The following DYNLT2B variants were observed in gnomAD, a reference collection of about 807,000 sequenced individuals.
The protein encoded by DYNLT2B is dynein light chain Tctex-type protein 2B.
DYNLT2B carries 14 observed loss-of-function variants against 19.5 expected under a neutral mutation model. The ratio of observed to expected loss-of-function variants is 0.72; its 90% CI spans 0.47 to 1.12. DYNLT2B has a LOEUF of 1.12. Ranked by LOEUF, DYNLT2B falls within the 50% of genes most tolerant of loss-of-function variation. The probability of loss-of-function intolerance (pLI) is 0.00; values close to 1 mark genes in which losing one functional copy is unlikely to be tolerated. For synonymous variants in DYNLT2B, 70 were observed against 59.7 expected, an observed-to-expected ratio of 1.17 and a Z score of -0.79; for missense variants, 133 against 174.7, an observed-to-expected ratio of 0.76 and a Z score of 1.35.
intron 3 of DYNLT2B, among the ~76,000 whole-genome samples, chr3:196,299,274 G>A (rs993469521): frequency 2.0e-5 from 3 of 151,772 alleles, no homozygotes; most frequent in Non-Finnish European, 4.4e-5. Flanking sequence ...TAGTAGAGAC[G>A]GGGTTTCACC....
intron 3 of DYNLT2B, among the ~76,000 whole-genome samples, chr3:196,298,785 G>C (rs923070183): frequency 6.6e-6 from 1 of 152,186 alleles, no homozygotes; most frequent in Non-Finnish European, 1.5e-5. Flanking sequence ...TTTCCTGGAG[G>C]ATTTGCCAAT....
intron 4 of DYNLT2B, 106 bp downstream of exon 4, chr3:196,295,900 G>T: frequency 3.3e-6 from 3 of 916,122 alleles, no homozygotes; most frequent in South Asian, 1.6e-5. Context: ...AGTCAAAGAT[G>T]AATGACTAAG....
chr3:196,298,642 C>T (rs951695788), intron 3 of DYNLT2B, among the ~76,000 whole-genome samples: 1 of 151,888 alleles, frequency 6.6e-6, no homozygotes, highest in Admixed American at 6.6e-5. Flanking sequence ...GCTAATAATG[C>T]TCCCACCAAG....
At chr3:196,310,767 CCT>C (rs992807091) in intron 2 of DYNLT2B, among the ~76,000 whole-genome samples, 46 of 148,366 alleles carry the variant, frequency 3.1e-4, no homozygotes, top group African/African-American at 1.1e-3. Context: ...ATAGGGTCTC[CCT>C]CTGTCACCCA....
intron 3 of DYNLT2B, among the ~76,000 whole-genome samples, chr3:196,296,805 T>C (rs1218157316): frequency 6.6e-6 from 1 of 152,138 alleles, no homozygotes; most frequent in African/African-American, 2.4e-5. Context: ...TCCCAGCAAC[T>C]CAGGAGGCTG....
At chr3:196,317,869 G>T (rs978406678) in intron 1 of DYNLT2B, among the ~76,000 whole-genome samples, 171 bp downstream of exon 1, 1 of 151,614 alleles carries the variant, frequency 6.6e-6, no homozygotes, top group African/African-American at 2.4e-5. Flanking sequence ...CAGCGGGAGG[G>T]GCGCCCGGAC....
At position 196,311,773 on chromosome 3, in the gene DYNLT2B, AC is replaced by A. The variant is rs199514511; in HGVS notation, c.247+4324del. 3.6e-3 allele frequency among the ~76,000 whole-genome samples: 543 copies of A among 150,970 alleles called. 3 individuals are homozygous for A. The highest frequency in any genetic ancestry group is 0.012 in the African/African-American group (510 of 41,076). ...ATCCCAGCTCACTGCAACCTCCTTCACCCCCCAGGTTCAAGCAATTCTCCTG... is the reference window on the plus strand; with the variant it reads ...ATCCCAGCTCACTGCAACCTCCTTCACCCCCAGGTTCAAGCAATTCTCCTG... On this transcript the variant is annotated intron_variant, in intron 2 of 4. Coordinates refer to ENST00000325318, the MANE Select transcript of DYNLT2B (RefSeq NM_152773.5).
chr3:196,308,732 G>C (rs766808267), intron 2 of DYNLT2B, among the ~76,000 whole-genome samples: 1 of 152,208 alleles, frequency 6.6e-6, no homozygotes, highest in Non-Finnish European at 1.5e-5. Flanking sequence ...ACCTGATTCA[G>C]AGTGTGTAAA....
intron 4 of DYNLT2B, among the ~76,000 whole-genome samples, chr3:196,294,121 G>T (rs1046384094): frequency 1.3e-5 from 2 of 151,770 alleles, no homozygotes; most frequent in African/African-American, 2.4e-5. Context: ...GGAGGCCGAG[G>T]CGGGCCGATC....
Position 196,301,031 on chromosome 3 carries a change from C to T in DYNLT2B, c.318-4962G>A, listed in dbSNP as rs529390758. ...CTGAGATCGCACCACTGCACTCCAG[C>T]CTGGGCAACAGAGTTGAGACTCTGT... is the stretch of plus-strand genomic sequence containing the variant. On this transcript the variant is annotated intron_variant, in intron 3 of 4. Transcript: ENST00000325318. 9.2e-5 allele frequency among the ~76,000 whole-genome samples: 14 copies of T among 151,890 alleles called. No individual in the cohort carries two copies. In the South Asian group the frequency reaches 2.9e-3, roughly 32 times the overall value.
At chr3:196,306,883 G>A in intron 3 of DYNLT2B, 60 bp downstream of exon 3, 1 of 1,481,832 alleles carries the variant, frequency 6.7e-7, no homozygotes, top group South Asian at 1.1e-5. Context: ...TTGTCCAAAG[G>A]ACAGATACCT....
rs540709226 is a variant in DYNLT2B, at chr3:196,317,965, C to A, written c.113+75G>T. ...GCGTCCCCCGCGCTCCTTCCGTGGCCCAGGTCCCAGGCGAGCTCCGCCCCT... is the reference window on the plus strand; with the variant it reads ...GCGTCCCCCGCGCTCCTTCCGTGGCACAGGTCCCAGGCGAGCTCCGCCCCT... On this transcript the variant is annotated intron_variant, in intron 1 of 4. Transcript: ENST00000325318. 139 of 887,740 alleles carry A rather than the reference C, an allele frequency of 1.6e-4. No homozygotes were observed. The African/African-American group carries it at 2.2e-3, about 14-fold the overall frequency. The allele number at this position is 887,740 out of a possible 1,614,324, so 55.0% of individuals were successfully genotyped here.
intron 2 of DYNLT2B, among the ~76,000 whole-genome samples, chr3:196,314,631 G>T (rs1190561616): frequency 6.6e-6 from 1 of 151,700 alleles, no homozygotes; most frequent in East Asian, 1.9e-4. Context: ...AGGGCAACAT[G>T]GCAAGACACC....
At position 196,317,062 on chromosome 3, in the gene DYNLT2B, G is replaced by GGT. The variant is rs140998103; in HGVS notation, c.114-833_114-832dup. 6.5e-3 allele frequency among the ~76,000 whole-genome samples: 340 copies of GGT among 52,248 alleles called. 18 individuals are homozygous for GGT. The highest frequency in any genetic ancestry group is 7.8e-3 in the Non-Finnish European group (212 of 27,124). 34.3% of individuals were successfully genotyped at this position (52,248 alleles called of 152,430 possible). A position where few individuals can be genotyped will look rare whatever the true frequency, so the allele number is the denominator to read the frequency against. On this transcript the variant is annotated intron_variant, in intron 1 of 4. Transcript: ENST00000325318. Reference sequence around the variant, plus strand: ...TGTGTGTGTTGTGTGGTGTGTGTGTGGTGTGTGTGTGTGTGTGTGTGTGTG... The same window carrying GGT: ...TGTGTGTGTTGTGTGGTGTGTGTGTGGTGTGTGTGTGTGTGTGTGTGTGTGTG...
At chr3:196,317,060 GTGGTGTGT>G (rs1324455310) in intron 1 of DYNLT2B, among the ~76,000 whole-genome samples, 2 of 85,774 alleles carry the variant, frequency 2.3e-5, no homozygotes, top group Non-Finnish European at 4.4e-5. Flanking sequence ...TGGTGTGTGT[GTGGTGTGT>G]GTGTGTGTGT....
At position 196,318,197 on chromosome 3, in the gene DYNLT2B, C is replaced by A; in HGVS notation, c.-45G>T. ...GGCGTAGCTCGCGATGAAGGCCTAGCGGGTTGCGGTCGCGGCCGGCAGCAG... is the reference window on the plus strand; with the variant it reads ...GGCGTAGCTCGCGATGAAGGCCTAGAGGGTTGCGGTCGCGGCCGGCAGCAG... On this transcript the variant is annotated 5_prime_UTR_variant, in exon 1 of 5. Coordinates refer to ENST00000325318, the MANE Select transcript of DYNLT2B (RefSeq NM_152773.5). 1 of 1,233,578 alleles carries A rather than the reference C, an allele frequency of 8.1e-7. No individual in the cohort carries two copies. The highest frequency in any genetic ancestry group is 1.4e-5 in the South Asian group (1 of 69,392). 76.4% of individuals were successfully genotyped at this position (1,233,578 alleles called of 1,614,324 possible).
chr3:196,317,581 G>A (rs1577397704), intron 1 of DYNLT2B, among the ~76,000 whole-genome samples: 2 of 152,212 alleles, frequency 1.3e-5, no homozygotes, highest in Middle Eastern at 6.8e-3. Flanking sequence ...GCTCGCTGCG[G>A]TGGTCTAAGG....
intron 1 of DYNLT2B, 86 bp downstream of exon 1, chr3:196,317,954 C>T (rs1232264212): frequency 2.7e-6 from 2 of 745,818 alleles, no homozygotes; most frequent in Non-Finnish European, 1.9e-6. Context: ...CCCCCGCGCT[C>T]CTTCCGTGGC....
intron 4 of DYNLT2B, among the ~76,000 whole-genome samples, chr3:196,294,288 G>A (rs143156646): frequency 0.015 from 2,264 of 152,226 alleles, 62 homozygotes; most frequent in African/African-American, 0.051. Context: ...TGGAGGTTGT[G>A]GTGAGCTGAG....
Sources: gnomAD v4.1 joint callset for allele counts (sites outside exome capture counted in the v4.1 genomes callset) on GRCh38, gnomAD v4.1.1 for gene constraint, MANE v1.5 for transcripts, NCBI Gene and HGNC (gene_info 2026-07-23, HGNC 2026-07-21) for gene names.